CNTNAP2: variants seen among roughly 807,000 people sequenced by gnomAD.
The protein encoded by CNTNAP2 is contactin associated protein 2, also known as contactin-associated protein-like 2.
Under a neutral mutation model 155.2 loss-of-function variants are expected in CNTNAP2, and 98 were observed. The observed-to-expected ratio is 0.63, with a 90% CI of 0.54 to 0.75. The LOEUF (loss-of-function observed/expected upper bound fraction) is 0.75, where lower values mean the gene tolerates loss of function less well. CNTNAP2 is among the 30% of genes least tolerant of loss of function. The pLI, the probability that CNTNAP2 is intolerant of heterozygous loss-of-function variation, is 0.00. For synonymous variants in CNTNAP2, 651 were observed against 631.2 expected (o/e 1.03, Z -0.47); for missense variants, 1,727 against 1,688.1 (o/e 1.02, Z -0.40).
At chr7:146,374,919 G>A (rs994717159) in intron 1 of CNTNAP2, among the ~76,000 whole-genome samples, 10 of 152,068 alleles carry the variant, frequency 6.6e-5, no homozygotes, top group African/African-American at 2.2e-4. Context: ...AGATATTTAC[G>A]CTGATATGCT....
chr7:146,599,368 A>T (rs1199869616), intron 1 of CNTNAP2, among the ~76,000 whole-genome samples: 2 of 152,066 alleles, frequency 1.3e-5, no homozygotes, highest in Non-Finnish European at 2.9e-5. Flanking sequence ...TAAAAGCCAC[A>T]GGTTATACAA....
At chr7:146,657,626 C>CCTTTACTAGGTCAGATTCTTCCCAGT (rs1800017416) in intron 1 of CNTNAP2, among the ~76,000 whole-genome samples, 1 of 151,994 alleles carries the variant, frequency 6.6e-6, no homozygotes, top group Non-Finnish European at 1.5e-5. Flanking sequence ...TCTTTGAATA[C>CCTTTACTAGGTCAGATTCTTCCCAGT]TGGTTTTGTT....
chr7:146,804,468 C>G (rs757738414), intron 2 of CNTNAP2, among the ~76,000 whole-genome samples: 49 of 151,876 alleles, frequency 3.2e-4, no homozygotes, highest in Non-Finnish European at 6.6e-4. Flanking sequence ...ATTTTCATCA[C>G]CTAGGAAGGA....
At chr7:147,822,203 C>T (rs1798373017) in intron 13 of CNTNAP2, among the ~76,000 whole-genome samples, 1 of 152,028 alleles carries the variant, frequency 6.6e-6, no homozygotes, top group Admixed American at 6.6e-5. Context: ...ACCTCCCCAC[C>T]TCACTCCCAA....
chr7:146,857,093 C>A (rs1433296996), intron 3 of CNTNAP2, among the ~76,000 whole-genome samples: 1 of 151,998 alleles, frequency 6.6e-6, no homozygotes, highest in Non-Finnish European at 1.5e-5. Context: ...CTACATATGT[C>A]CTTATTTGTA....
chr7:146,147,390 T>C (rs1249433911), intron 1 of CNTNAP2, among the ~76,000 whole-genome samples: 1 of 152,146 alleles, frequency 6.6e-6, no homozygotes, highest in Non-Finnish European at 1.5e-5. Flanking sequence ...TTAAAATACA[T>C]GTCTTGTGAA....
chr7:146,715,331 T>G (rs961493197), intron 1 of CNTNAP2, among the ~76,000 whole-genome samples: 1 of 152,066 alleles, frequency 6.6e-6, no homozygotes, highest in Non-Finnish European at 1.5e-5. Flanking sequence ...AAACTCCATC[T>G]CAAGAAAACA....
At chr7:147,701,406 G>A (rs1337697888) in intron 13 of CNTNAP2, among the ~76,000 whole-genome samples, 1 of 152,126 alleles carries the variant, frequency 6.6e-6, no homozygotes, top group African/African-American at 2.4e-5. Context: ...TATCATGTAA[G>A]TGTAAGAATA....
At chr7:146,807,995 T>C (rs532238023) in intron 2 of CNTNAP2, among the ~76,000 whole-genome samples, 2 of 152,260 alleles carry the variant, frequency 1.3e-5, no homozygotes, top group Admixed American at 6.5e-5. Context: ...TTTTTAACTG[T>C]GGAGAAATGA....
At chr7:146,341,842 G>A (rs1794734707) in intron 1 of CNTNAP2, among the ~76,000 whole-genome samples, 1 of 152,138 alleles carries the variant, frequency 6.6e-6, no homozygotes, top group African/African-American at 2.4e-5. Context: ...ATGCCTGAAT[G>A]CATTTTGATT....
intron 1 of CNTNAP2, among the ~76,000 whole-genome samples, chr7:146,497,417 T>C (rs1797234943): frequency 6.6e-6 from 1 of 152,194 alleles, no homozygotes; most frequent in Non-Finnish European, 1.5e-5. Flanking sequence ...TACTATTTAT[T>C]AATAAATAAG....
At chr7:147,438,298 T>G (rs1216246235) in intron 10 of CNTNAP2, among the ~76,000 whole-genome samples, 1 of 152,026 alleles carries the variant, frequency 6.6e-6, no homozygotes, top group Non-Finnish European at 1.5e-5. Context: ...CTATCCCCAG[T>G]TTTTGAGAGT....
chr7:147,298,310 G>A (rs943578547), intron 8 of CNTNAP2, among the ~76,000 whole-genome samples: 1 of 151,894 alleles, frequency 6.6e-6, no homozygotes, highest in Non-Finnish European at 1.5e-5. Flanking sequence ...TATAATCCCC[G>A]CTACTTGGGA....
At chr7:148,399,129 A>C (rs1799532623) in intron 22 of CNTNAP2, among the ~76,000 whole-genome samples, 1 of 152,210 alleles carries the variant, frequency 6.6e-6, no homozygotes, top group Non-Finnish European at 1.5e-5. Flanking sequence ...ACAGCATTCC[A>C]TAAAGCCAGA....
chr7:147,807,054 G>T (rs1398967223), intron 13 of CNTNAP2, among the ~76,000 whole-genome samples: 1 of 152,276 alleles, frequency 6.6e-6, no homozygotes, highest in African/African-American at 2.4e-5. Flanking sequence ...GCTCAAGCCT[G>T]TAATCCTAGC....
At chr7:146,971,401 C>G (rs768883217) in intron 3 of CNTNAP2, among the ~76,000 whole-genome samples, 28 of 152,000 alleles carry the variant, frequency 1.8e-4, no homozygotes, top group Admixed American at 6.6e-4. Flanking sequence ...TATTTGTTCT[C>G]AAACACTAGC....
intron 8 of CNTNAP2, among the ~76,000 whole-genome samples, chr7:147,209,969 T>G (rs1803110705): frequency 6.6e-6 from 1 of 152,086 alleles, no homozygotes; most frequent in Non-Finnish European, 1.5e-5. Context: ...TTTGATGTGC[T>G]GCTGGAGTCA....
intron 15 of CNTNAP2, among the ~76,000 whole-genome samples, chr7:148,005,872 T>C (rs1801967671): frequency 6.6e-6 from 1 of 152,170 alleles, no homozygotes; most frequent in African/African-American, 2.4e-5. Context: ...GTTGCCAATA[T>C]TCTCTAAGAT....
At chr7:147,480,278 G>A (rs193154996) in intron 10 of CNTNAP2, among the ~76,000 whole-genome samples, 1 of 151,996 alleles carries the variant, frequency 6.6e-6, no homozygotes. Flanking sequence ...TTAAATAATG[G>A]GCCAATCATT....
Sources: allele counts gnomAD v4.1 joint callset (sites outside exome capture counted in the v4.1 genomes callset), GRCh38; gene constraint gnomAD v4.1.1; transcripts MANE v1.5; gene names NCBI Gene and HGNC (gene_info 2026-07-23, HGNC 2026-07-21).